MROH9: variants seen among roughly 807,000 people sequenced by gnomAD.
MROH9 encodes the protein maestro heat like repeat family member 9, also known as maestro heat-like repeat-containing protein family member 9.
Under a neutral mutation model 98.2 loss-of-function variants are expected in MROH9, and 92 were observed. The ratio of observed to expected loss-of-function variants is 0.94; its 90% CI spans 0.79 to 1.11. The LOEUF (loss-of-function observed/expected upper bound fraction) is 1.11. Among genes scored for constraint, MROH9 ranks in the 50% most tolerant of loss-of-function variants. The pLI is 0.00. For synonymous variants in MROH9, 397 were observed against 368.9 expected (o/e 1.08, Z -0.87); for missense variants, 1,057 against 1,014.8 (o/e 1.04, Z -0.57).
intron 20 of MROH9, among the ~76,000 whole-genome samples, chr1:171,056,593 C>T (rs1171263025): frequency 1.3e-5 from 2 of 152,050 alleles, no homozygotes; most frequent in Admixed American, 6.5e-5. Context: ...AGTGGGTTTC[C>T]CCCTAGCAAA....
intron 3 of MROH9, among the ~76,000 whole-genome samples, chr1:170,948,419 T>C (rs1375221461): frequency 6.6e-6 from 1 of 151,968 alleles, no homozygotes; most frequent in Non-Finnish European, 1.5e-5. Context: ...ATGAGGAGAG[T>C]TGTTAATAAA....
chr1:171,028,611 C>T (rs1652804215), intron 20 of MROH9, among the ~76,000 whole-genome samples: 1 of 152,150 alleles, frequency 6.6e-6, no homozygotes, highest in South Asian at 2.1e-4. Flanking sequence ...TATAAATTAA[C>T]TTGGGCAGTA....
Position 171,024,303 on chromosome 1 carries a change from G to GTGTGTGTGT in MROH9, c.1909-92_1909-91insTGTGTGTGT, listed in dbSNP as rs1553219583. On this transcript the variant is annotated intron_variant, in intron 17 of 21. Transcript: ENST00000367759. ...ATACATATATAGTATATTTATATGG[G>GTGTGTGTGT]GTGTGTGTGTGTGTGTGTGTGTGTG... 4,772 of 669,774 alleles carry GTGTGTGTGT rather than the reference G, an allele frequency of 7.1e-3. 122 individuals carry two copies. The highest frequency in any genetic ancestry group is 0.067 in the African/African-American group (3,572 of 53,256). 41.5% of individuals were successfully genotyped at this position (669,774 alleles called of 1,614,324 possible). A position where few individuals can be genotyped will look rare whatever the true frequency, so the allele number is the denominator to read the frequency against.
At chr1:170,949,062 G>T (rs140828625) in intron 3 of MROH9, among the ~76,000 whole-genome samples, 46 of 152,158 alleles carry the variant, frequency 3.0e-4, no homozygotes, top group East Asian at 2.1e-3. Flanking sequence ...AGCTACTTCT[G>T]CAGGGCACTC....
At chr1:170,962,792 T>TG (rs971570160) in intron 6 of MROH9, among the ~76,000 whole-genome samples, 2 of 152,132 alleles carry the variant, frequency 1.3e-5, no homozygotes, top group African/African-American at 4.8e-5. Flanking sequence ...AGATTGATAT[T>TG]GGACCCCTTC....
rs1383912731 is a variant in MROH9, at chr1:171,064,416, A to G, written c.*76A>G. ...ATGTCTTGGAGCTGACCTTAGAAGA[A>G]GAATGATTTTTCTTTCCCTCCTGAC... On this transcript the variant is annotated 3_prime_UTR_variant, in exon 22 of 22. Transcript: ENST00000367759. 2 of 1,397,984 alleles carry G rather than the reference A, an allele frequency of 1.4e-6. No homozygotes were observed. The highest frequency in any genetic ancestry group is 1.9e-6 in the Non-Finnish European group (2 of 1,063,640). The allele number at this position is 1,397,984 out of a possible 1,614,324, so 86.6% of individuals were successfully genotyped here. A position where few individuals can be genotyped will look rare whatever the true frequency, so the allele number is the denominator to read the frequency against.
At chr1:170,957,407 A>G (rs28561374) in intron 3 of MROH9, among the ~76,000 whole-genome samples, 13,389 of 152,176 alleles carry the variant, frequency 0.088, 1,863 homozygotes, top group African/African-American at 0.3. Context: ...AGTTTTCCCA[A>G]CATCATTTAT....
chr1:170,983,265 T>A (rs1651002303), intron 8 of MROH9, among the ~76,000 whole-genome samples, 157 bp from the exon 9 acceptor site: 1 of 152,206 alleles, frequency 6.6e-6, no homozygotes, highest in South Asian at 2.1e-4. Flanking sequence ...GTGAGTGCCA[T>A]AAAATTTTAT....
intron 8 of MROH9, among the ~76,000 whole-genome samples, chr1:170,975,313 G>A (rs1650639159): frequency 6.6e-6 from 1 of 152,000 alleles, no homozygotes; most frequent in Non-Finnish European, 1.5e-5. Context: ...GAAAATTGGA[G>A]TGGCTATATT....
At chr1:170,988,326 G>T (rs1447375802) in intron 10 of MROH9, among the ~76,000 whole-genome samples, 2 of 152,154 alleles carry the variant, frequency 1.3e-5, no homozygotes, top group Non-Finnish European at 2.9e-5. Context: ...GGGAGGAGAT[G>T]CTTTATATAG....
Position 170,970,729 on chromosome 1 carries a change from T to TGAGAGAGAGA in MROH9, c.481-1018_481-1017insAGAGAGAGAG, listed in dbSNP as rs1336944318. ...GTGTGTGTGTGTGTGTGTGTGTGTGTGTGAGAGAGAGAGAGAGAGAGAGAG... is the reference window on the plus strand; with the variant it reads ...GTGTGTGTGTGTGTGTGTGTGTGTGTGAGAGAGAGAGTGAGAGAGAGAGAGAGAGAGAGAG... On this transcript the variant is annotated intron_variant, in intron 7 of 21. Coordinates refer to ENST00000367759, the MANE Select transcript of MROH9 (RefSeq NM_001163629.2). Among the ~76,000 whole-genome samples the TGAGAGAGAGA allele has an allele frequency of 1.1e-3, 114 of 102,112 alleles. 1 individual carries two copies. Among genetic ancestry groups the TGAGAGAGAGA allele is most frequent in the African/African-American group, 3.7e-3 (104 of 28,232 alleles). The allele number at this position is 102,112 out of a possible 152,430, so 67.0% of individuals were successfully genotyped here.
At chr1:171,016,944 C>T (rs60579160) in intron 17 of MROH9, among the ~76,000 whole-genome samples, 2,517 of 152,082 alleles carry the variant, frequency 0.017, 70 homozygotes, top group African/African-American at 0.058. Context: ...TAAAGAACTC[C>T]ACAATAAATT....
intron 3 of MROH9, among the ~76,000 whole-genome samples, chr1:170,952,550 T>C (rs966900452): frequency 5.9e-5 from 8 of 135,120 alleles, no homozygotes; most frequent in Admixed American, 1.8e-4. Flanking sequence ...AATTGAACAA[T>C]GAGAACACTT....
intron 8 of MROH9, among the ~76,000 whole-genome samples, chr1:170,981,666 C>G (rs1228282050): frequency 1.3e-5 from 2 of 150,954 alleles, no homozygotes; most frequent in African/African-American, 4.9e-5. Flanking sequence ...AGCAAACCAC[C>G]ACAGCACATG....
chr1:170,946,649 G>A (rs566366884), intron 2 of MROH9, among the ~76,000 whole-genome samples: 1 of 151,872 alleles, frequency 6.6e-6, no homozygotes, highest in Admixed American at 6.6e-5. Flanking sequence ...TTTCCTATAG[G>A]TCTGAAATAA....
chr1:170,996,643 A>G lies in MROH9; in HGVS notation c.1474A>G (p.Lys492Glu), dbSNP rs775541658. The part of the protein sequence containing the change: ...CYYHGVCFIA[K>E]TLSEYNFPQF... ...CTATCATGGAGTCTGCTTTATTGCT[A>G]AGTAAGAACAGGGGTCTCTGTGTAG... is the stretch of plus-strand genomic sequence containing the variant. Residue 492 changes from lysine (K) to glutamate (E), a missense_variant and splice_region_variant, in exon 14 of 22, where the codon AAA becomes GAA. Transcript: ENST00000367759. 5 of 1,613,108 alleles carry G rather than the reference A, an allele frequency of 3.1e-6. No individual in the cohort carries two copies. The South Asian group carries it at 4.4e-5, about 14-fold the overall frequency.
intron 15 of MROH9, among the ~76,000 whole-genome samples, chr1:171,002,867 T>C (rs1326250142): frequency 6.6e-6 from 1 of 152,182 alleles, no homozygotes; most frequent in African/African-American, 2.4e-5. Context: ...TTTAGAATTG[T>C]CTTCTTCCTC....
intron 8 of MROH9, among the ~76,000 whole-genome samples, chr1:170,978,770 A>T (rs1650813656): frequency 6.6e-6 from 1 of 152,110 alleles, no homozygotes; most frequent in Admixed American, 6.6e-5. Context: ...GAGGAGAAGG[A>T]CTGAGACCTG....
chr1:171,036,879 A>T (rs1653116590), intron 20 of MROH9, among the ~76,000 whole-genome samples: 1 of 151,926 alleles, frequency 6.6e-6, no homozygotes, highest in East Asian at 1.9e-4. Context: ...AGCAGACACT[A>T]CTAAAACATT....
Sources: gnomAD v4.1 joint callset for allele counts (sites outside exome capture counted in the v4.1 genomes callset) on GRCh38, gnomAD v4.1.1 for gene constraint, MANE v1.5 for transcripts, NCBI Gene and HGNC (gene_info 2026-07-23, HGNC 2026-07-21) for gene names.